LRRTM4: variants seen among roughly 807,000 people sequenced by gnomAD.
LRRTM4 encodes the protein leucine rich repeat transmembrane neuronal 4.
Under a neutral mutation model 47.6 loss-of-function variants are expected in LRRTM4, and 25 were observed. The ratio of observed to expected loss-of-function variants is 0.53; its 90% CI spans 0.38 to 0.73. The LOEUF (loss-of-function observed/expected upper bound fraction) is 0.73, where lower values mean the gene tolerates loss of function less well. Among genes scored for constraint, LRRTM4 ranks in the 30% least tolerant of loss-of-function variants. LRRTM4 has a pLI of 0.00. For missense variants in LRRTM4, 638 were observed against 713.4 expected (o/e 0.89, Z 1.20); for synonymous variants, 311 against 269.5 (o/e 1.15, Z -1.51).
At chr2:77,207,527 G>T (rs1179347638) in intron 3 of LRRTM4, among the ~76,000 whole-genome samples, 1 of 151,408 alleles carries the variant, frequency 6.6e-6, no homozygotes, top group Non-Finnish European at 1.5e-5. Flanking sequence ...TCTCAACCTG[G>T]CTGTGACTTA....
chr2:77,019,088 C>G (rs532470118), intron 3 of LRRTM4, among the ~76,000 whole-genome samples: 6 of 152,022 alleles, frequency 3.9e-5, no homozygotes, highest in Admixed American at 3.9e-4. Flanking sequence ...GTACACTTCA[C>G]AGTGCTATAT....
At chr2:76,905,597 G>C (rs1020353410) in intron 3 of LRRTM4, among the ~76,000 whole-genome samples, 1 of 150,660 alleles carries the variant, frequency 6.6e-6, no homozygotes, top group Non-Finnish European at 1.5e-5. Flanking sequence ...TAAAAACTTT[G>C]AAAAAAATTT....
chr2:77,329,471 A>C (rs984217257), intron 3 of LRRTM4, among the ~76,000 whole-genome samples: 5 of 152,218 alleles, frequency 3.3e-5, no homozygotes, highest in Admixed American at 1.3e-4. Context: ...ACATCCTAGA[A>C]GGGATGACTG....
intron 3 of LRRTM4, among the ~76,000 whole-genome samples, chr2:77,002,689 C>G (rs558418705): frequency 1.1e-4 from 16 of 152,256 alleles, no homozygotes; most frequent in Admixed American, 8.5e-4. Context: ...ACCTTGTTCT[C>G]TCCTTGCCCT....
intron 3 of LRRTM4, among the ~76,000 whole-genome samples, chr2:76,813,919 G>T (rs148626064): frequency 6.6e-6 from 1 of 151,386 alleles, no homozygotes; most frequent in Non-Finnish European, 1.5e-5. Context: ...ATTAAGTAAA[G>T]TTCATTTATA....
chr2:77,097,543 TAAC>T (rs1248122036), intron 3 of LRRTM4, among the ~76,000 whole-genome samples: 1 of 151,936 alleles, frequency 6.6e-6, no homozygotes, highest in Non-Finnish European at 1.5e-5. Context: ...TAGAAAGAAA[TAAC>T]AAAAATGACT....
At chr2:76,784,302 A>T (rs56138236) in intron 3 of LRRTM4, among the ~76,000 whole-genome samples, 65,741 of 151,848 alleles carry the variant, frequency 0.43, 15,253 homozygotes, top group Non-Finnish European at 0.52. Flanking sequence ...ACTTTGAAAA[A>T]TATTATGGAA....
chr2:77,438,833 A>G (rs1377264070), intron 3 of LRRTM4, among the ~76,000 whole-genome samples: 1 of 152,238 alleles, frequency 6.6e-6, no homozygotes, highest in Non-Finnish European at 1.5e-5. Flanking sequence ...GCTTCATTTT[A>G]GGAAGCATGA....
At chr2:76,904,723 C>T (rs1673762301) in intron 3 of LRRTM4, among the ~76,000 whole-genome samples, 1 of 152,128 alleles carries the variant, frequency 6.6e-6, no homozygotes, top group Non-Finnish European at 1.5e-5. Context: ...ACTCCATACA[C>T]CACCGTCAAG....
chr2:77,147,785 G>T (rs2103777447), intron 3 of LRRTM4, among the ~76,000 whole-genome samples: 1 of 152,172 alleles, frequency 6.6e-6, no homozygotes, highest in South Asian at 2.1e-4. Flanking sequence ...ATATGAATTG[G>T]GCTAATTGTT....
chr2:76,984,509 G>A (rs1676727621), intron 3 of LRRTM4, among the ~76,000 whole-genome samples: 1 of 151,898 alleles, frequency 6.6e-6, no homozygotes. Flanking sequence ...TTTGGCCTAT[G>A]GGACTTAAGG....
intron 3 of LRRTM4, among the ~76,000 whole-genome samples, chr2:77,283,545 CA>C (rs762459762): frequency 5.9e-5 from 9 of 151,982 alleles, no homozygotes; most frequent in Non-Finnish European, 1.3e-4. Flanking sequence ...GCAGTATTCA[CA>C]ATAGCAAAGT....
intron 3 of LRRTM4, among the ~76,000 whole-genome samples, chr2:77,413,644 C>A (rs1674526742): frequency 6.6e-6 from 1 of 152,012 alleles, no homozygotes. Context: ...GAAGCTGTTG[C>A]CAGAAGGAGG....
chr2:77,219,978 C>T (rs972926892), intron 3 of LRRTM4, among the ~76,000 whole-genome samples: 1 of 152,166 alleles, frequency 6.6e-6, no homozygotes, highest in Non-Finnish European at 1.5e-5. Context: ...ACTGACATTT[C>T]ACACGGCCGG....
At chr2:76,921,366 G>A (rs1341298678) in intron 3 of LRRTM4, among the ~76,000 whole-genome samples, 15 of 152,070 alleles carry the variant, frequency 9.9e-5, no homozygotes, top group East Asian at 1.9e-4. Context: ...CTATTAAGAT[G>A]ACTAATTGCT....
intron 3 of LRRTM4, among the ~76,000 whole-genome samples, chr2:77,234,706 A>T (rs1675057379): frequency 6.6e-6 from 1 of 152,184 alleles, no homozygotes; most frequent in African/African-American, 2.4e-5. Flanking sequence ...TCAATTAATT[A>T]AGAATCTCTG....
At position 76,974,237 on chromosome 2, in the gene LRRTM4, T is replaced by TACATATATATAC. The variant is rs1480645882; in HGVS notation, c.1552-225322_1552-225321insGTATATATATGT. Among the ~76,000 whole-genome samples, 322 of 138,746 alleles carry TACATATATATAC rather than the reference T, an allele frequency of 2.3e-3. 2 individuals carry two copies. The highest frequency in any genetic ancestry group is 8.5e-3 in the African/African-American group (307 of 35,934). The allele number at this position is 138,746 out of a possible 152,430, so 91.0% of individuals were successfully genotyped here. Reference sequence around the variant, plus strand: ...ACATATATATACATACATATATATATATACATATATATATATACACACACA... The same window carrying TACATATATATAC: ...ACATATATATACATACATATATATATACATATATATACATACATATATATATATACACACACA... On this transcript the variant is annotated intron_variant, in intron 3 of 3. Coordinates refer to ENST00000409884, the MANE Select transcript of LRRTM4 (RefSeq NM_001134745.3).
At chr2:77,085,823 T>C (rs1230369125) in intron 3 of LRRTM4, among the ~76,000 whole-genome samples, 2 of 152,180 alleles carry the variant, frequency 1.3e-5, no homozygotes. Flanking sequence ...ATGTAAAATA[T>C]ATAGAGCTAA....
At chr2:76,803,904 G>A (rs186371825) in intron 3 of LRRTM4, among the ~76,000 whole-genome samples, 1 of 152,216 alleles carries the variant, frequency 6.6e-6, no homozygotes, top group Non-Finnish European at 1.5e-5. Context: ...TGGATAGAGG[G>A]TACCTACATG....
Sources: allele counts gnomAD v4.1 joint callset (sites outside exome capture counted in the v4.1 genomes callset), GRCh38; gene constraint gnomAD v4.1.1; transcripts MANE v1.5; gene names NCBI Gene and HGNC (gene_info 2026-07-23, HGNC 2026-07-21).